The following PIAS4 variants were observed in gnomAD, a reference collection of about 807,000 sequenced individuals.
PIAS4 encodes protein inhibitor of activated STAT 4, also known as E3 SUMO-protein ligase PIAS4.
PIAS4 carries 7 observed loss-of-function variants against 58.0 expected under a neutral mutation model. That is an observed-to-expected ratio of 0.12 (90% CI 0.07 to 0.23). PIAS4 has a LOEUF of 0.23. PIAS4 is among the 10% of genes least tolerant of loss of function. The probability of loss-of-function intolerance (pLI) is 1.00; values close to 1 mark genes in which losing one functional copy is unlikely to be tolerated. For missense variants in PIAS4, 550 were observed against 709.5 expected (o/e 0.78, Z 2.55); for synonymous variants, 364 against 312.4 (o/e 1.17, Z -1.74).
intron 2 of PIAS4, among the ~76,000 whole-genome samples, chr19:4,020,686 C>T (rs569378108): frequency 3.9e-5 from 6 of 152,350 alleles, no homozygotes; most frequent in South Asian, 2.1e-4. Context: ...TCTCGAACTT[C>T]TGAGCCCAAG....
intron 3 of PIAS4, among the ~76,000 whole-genome samples, chr19:4,027,562 G>GT (rs74266001): frequency 0.16 from 20,552 of 130,730 alleles, 2,711 homozygotes; most frequent in Non-Finnish European, 0.22. Context: ...GGTGTTACTG[G>GT]TTTTTGTTTT....
chr19:4,017,186 C>T (rs2144912983), intron 2 of PIAS4, among the ~76,000 whole-genome samples: 1 of 152,224 alleles, frequency 6.6e-6, no homozygotes, highest in Middle Eastern at 3.4e-3. Context: ...GCCAGCTCTG[C>T]CCCAGGTCTT....
intron 4 of PIAS4, 99 bp downstream of exon 4, chr19:4,028,286 C>T (rs2040187902): frequency 1.5e-5 from 16 of 1,045,416 alleles, no homozygotes; most frequent in Non-Finnish European, 2.3e-5. Flanking sequence ...GTCTCCCCTG[C>T]TAACAGCAGA....
chr19:4,031,820 G>A (rs1219151122), intron 7 of PIAS4, among the ~76,000 whole-genome samples: 2 of 152,202 alleles, frequency 1.3e-5, no homozygotes, highest in African/African-American at 2.4e-5. Flanking sequence ...TGCTGCGCAC[G>A]TCTCTCCATA....
Position 4,007,806 on chromosome 19 carries a change from C to T in PIAS4, c.27+19C>T. ...GGCCAAAGTGAGTGAGCGGTGGCGG[C>T]GCCGGCCGGGGCAAGTGGGCGAGAG... On this transcript the variant is annotated intron_variant, in intron 1 of 10. Transcript: ENST00000262971. 1 of 1,209,992 alleles carries T rather than the reference C, an allele frequency of 8.3e-7. No individual in the cohort carries two copies. Among genetic ancestry groups the T allele is most frequent in the Non-Finnish European group, 1.0e-6 (1 of 968,818 alleles). 75.0% of individuals were successfully genotyped at this position (1,209,992 alleles called of 1,614,324 possible). A position where few individuals can be genotyped will look rare whatever the true frequency, so the allele number is the denominator to read the frequency against.
chr19:4,028,478 TC>T, intron 4 of PIAS4, 31 bp from the exon 5 acceptor site: 2 of 1,538,262 alleles, frequency 1.3e-6, no homozygotes, highest in East Asian at 4.5e-5. Context: ...GTGCGCCCCC[TC>T]CCCGCCCCAT....
rs1407796636 is a variant in PIAS4, at chr19:4,028,135, C to T, written c.540-11C>T. The T allele has an allele frequency of 3.7e-6, 6 of 1,613,644 alleles. No homozygotes were observed. Among genetic ancestry groups the T allele is most frequent in the Non-Finnish European group, 5.1e-6 (6 of 1,179,870 alleles). On this transcript the variant is annotated splice_polypyrimidine_tract_variant and intron_variant, in intron 3 of 10. Transcript: ENST00000262971. ...TCCTTTCCTTTCCTCTGGTTTGCTC[C>T]ACACCCACAGGGAACTGCAGCCCGG...
At chr19:4,022,334 TTTGTTG>T (rs1015534980) in intron 2 of PIAS4, among the ~76,000 whole-genome samples, 1 of 152,128 alleles carries the variant, frequency 6.6e-6, no homozygotes, top group Non-Finnish European at 1.5e-5. Flanking sequence ...TTTTGTTTTT[TTTGTTG>T]TTGTTGTTGT....
intron 1 of PIAS4, among the ~76,000 whole-genome samples, chr19:4,008,167 C>G (rs1392051094): frequency 1.3e-5 from 2 of 152,138 alleles, no homozygotes; most frequent in Non-Finnish European, 2.9e-5. Context: ...TGGTTCCGAG[C>G]CGGGGTCCTT....
Position 4,028,249 on chromosome 19 carries a change from C to T in PIAS4, c.581+62C>T, listed in dbSNP as rs535221827. On this transcript the variant is annotated intron_variant, in intron 4 of 10. Coordinates refer to ENST00000262971, the MANE Select transcript of PIAS4 (RefSeq NM_015897.4). Reference sequence around the variant, plus strand: ...CCCCAGCCACCCGCCCCTCCCCGCCCCCCAGTCCTGGCCCAGGCCCTTCTC... The same window carrying T: ...CCCCAGCCACCCGCCCCTCCCCGCCTCCCAGTCCTGGCCCAGGCCCTTCTC... 8.3e-6 allele frequency: 12 copies of T among 1,438,336 alleles called. 1 individual carries two copies. The South Asian group carries it at 1.1e-4, about 13-fold the overall frequency. The allele number at this position is 1,438,336 out of a possible 1,614,324, so 89.1% of individuals were successfully genotyped here. A position where few individuals can be genotyped will look rare whatever the true frequency, so the allele number is the denominator to read the frequency against.
rs140146153 is a variant in PIAS4 at position 4,031,924 on chromosome 19, C to T, written c.908-1176C>T. 2.8e-4 allele frequency among the ~76,000 whole-genome samples: 42 copies of T among 152,300 alleles called. No homozygotes were observed. In the East Asian group the frequency reaches 4.5e-3, roughly 16 times the overall value. ...CAGGCTTGAGGGTCCACCCGGGCACCGGGTAGCCAGAGCTGGGATCCAAGG... is the reference window on the plus strand; with the variant it reads ...CAGGCTTGAGGGTCCACCCGGGCACTGGGTAGCCAGAGCTGGGATCCAAGG... On this transcript the variant is annotated intron_variant, in intron 7 of 10. Coordinates refer to ENST00000262971, the MANE Select transcript of PIAS4 (RefSeq NM_015897.4).
intron 2 of PIAS4, 67 bp from the exon 3 acceptor site, chr19:4,023,968 GA>G: frequency 1.8e-6 from 2 of 1,089,108 alleles, no homozygotes; most frequent in Non-Finnish European, 2.9e-6. Flanking sequence ...CGCAGGCTGG[GA>G]AAAGCGACTG....
Position 4,028,837 on chromosome 19 carries a change from A to AACT in PIAS4, c.793_795dup (p.Tyr265dup). The AACT allele has an allele frequency of 6.2e-7, 1 of 1,613,278 alleles. No individual in the cohort carries two copies. The highest frequency in any genetic ancestry group is 8.5e-7 in the Non-Finnish European group (1 of 1,179,874). On this transcript the variant is annotated inframe_insertion, in exon 6 of 11. Transcript: ENST00000262971. ...CAACCGCATCACTGTCACCTGGGGG[A>AACT]ACTACGGCAAGGTGAGTGCGTGCCC...
intron 2 of PIAS4, among the ~76,000 whole-genome samples, chr19:4,020,024 C>T (rs927788744): frequency 6.6e-6 from 1 of 151,972 alleles, no homozygotes; most frequent in Non-Finnish European, 1.5e-5. Flanking sequence ...TCACGCCATT[C>T]TCCTGCCTCA....
In PIAS4 at chr19:4,037,334, G is replaced by GGCC. The variant is rs2040309309; in HGVS notation, c.1143-40_1143-39insGCC. On this transcript the variant is annotated intron_variant, in intron 9 of 10. Transcript: ENST00000262971. The surrounding 1 kb of genome is among the most constrained non-coding windows in gnomAD (Gnocchi z 5.8). Reference sequence around the variant, plus strand: ...AGGGCTGGGGAGTTGGGGGGGTGGGGCACCTCCAGCCCCGGCGTCAGCTGT... The same window carrying GGCC: ...AGGGCTGGGGAGTTGGGGGGGTGGGGGCCCACCTCCAGCCCCGGCGTCAGCTGT... 4 of 1,511,000 alleles carry GGCC rather than the reference G, an allele frequency of 2.6e-6. No homozygotes were observed. Among genetic ancestry groups the GGCC allele is most frequent in the Non-Finnish European group, 3.6e-6 (4 of 1,107,154 alleles). 93.6% of individuals were successfully genotyped at this position (1,511,000 alleles called of 1,614,324 possible). A position where few individuals can be genotyped will look rare whatever the true frequency, so the allele number is the denominator to read the frequency against.
intron 8 of PIAS4, 77 bp from the exon 9 acceptor site, chr19:4,033,343 G>A: frequency 1.4e-6 from 2 of 1,412,550 alleles, no homozygotes; most frequent in Non-Finnish European, 1.9e-6. Flanking sequence ...GCCACAGGAT[G>A]GAGCTGGGGG....
At chr19:4,020,039 C>T (rs2040093703) in intron 2 of PIAS4, among the ~76,000 whole-genome samples, 1 of 152,042 alleles carries the variant, frequency 6.6e-6, no homozygotes, top group Non-Finnish European at 1.5e-5. Context: ...GCCTCAGCCT[C>T]CCGAGTAGCT....
At chr19:4,029,521 G>A (rs1047708439) in intron 7 of PIAS4, among the ~76,000 whole-genome samples, 2 of 152,124 alleles carry the variant, frequency 1.3e-5, no homozygotes, top group African/African-American at 2.4e-5. Flanking sequence ...CCTCACGTTG[G>A]TGAGGCCCCG....
chr19:4,030,137 A>T (rs1391259762), intron 7 of PIAS4, among the ~76,000 whole-genome samples: 3 of 141,628 alleles, frequency 2.1e-5, no homozygotes, highest in South Asian at 4.4e-4. Flanking sequence ...TAATTTTTTA[A>T]TGTTTCGTAG....
Sources: gnomAD v4.1 joint callset for allele counts (sites outside exome capture counted in the v4.1 genomes callset) on GRCh38, gnomAD v4.1.1 for gene constraint, Gnocchi (gnomAD v3.1) non-coding constraint, MANE v1.5 for transcripts, NCBI Gene and HGNC (gene_info 2026-07-23, HGNC 2026-07-21) for gene names.